Variants in BTBD19 observed in about 807,000 individuals in gnomAD.
The protein encoded by BTBD19 is BTB/POZ domain-containing protein 19.
A neutral mutation model predicts 36.1 loss-of-function variants in BTBD19; 20 were observed. That is an observed-to-expected ratio of 0.55 (90% CI 0.39 to 0.80). BTBD19 has a LOEUF of 0.80. Among genes scored for constraint, BTBD19 ranks in the 30% least tolerant of loss-of-function variants. BTBD19 has a pLI of 0.00. For synonymous variants in BTBD19, 157 were observed against 174.3 expected (o/e 0.90, Z 0.78); for missense variants, 325 against 389.8 (o/e 0.83, Z 1.40).
At position 44,813,231 on chromosome 1, in the gene BTBD19, C is replaced by G; in HGVS notation, c.577C>G (p.Leu193Val). ...CAAGCTCTGCGTGGACGAGGCTGAA[C>G]TGGTCCGCGCGGCCCGAAGCTGGGC... Residue 193 changes from leucine to valine, a missense_variant, in exon 6 of 8, where the codon CTG becomes GTG. Transcript: ENST00000450269. The surrounding 1 kb of genome is among the most constrained non-coding windows in gnomAD (Gnocchi z 7.8). 1 of 1,540,760 alleles carries G rather than the reference C, an allele frequency of 6.5e-7. No homozygotes were observed. The highest frequency in any genetic ancestry group is 1.2e-5 in the South Asian group (1 of 83,890).
downstream of BTBD19, chr1:44,814,304 TCTC>T (rs1652623667): frequency 6.6e-6 from 1 of 152,178 alleles, no homozygotes; most frequent in African/African-American, 2.4e-5. Context: ...TTCTCTCCTC[TCTC>T]TTTTTTTTGA....
chr1:44,813,212 C>T lies in BTBD19; in HGVS notation c.558C>T (p.Leu186=). 1 of 1,544,736 alleles carries T rather than the reference C, an allele frequency of 6.5e-7. No homozygotes were observed. The highest frequency in any genetic ancestry group is 8.7e-7 in the Non-Finnish European group (1 of 1,145,156). The change falls in exon 6 of 8, where the codon CTC becomes CTT. Residue 186 remains leucine, a synonymous_variant. Coordinates refer to ENST00000450269, the Ensembl canonical transcript of BTBD19. The surrounding 1 kb of genome is among the most constrained non-coding windows in gnomAD (Gnocchi z 7.8). The stretch of plus-strand genomic sequence containing the variant: ...TGCCCCTGCTCCGCAGCGACAAGCT[C>T]TGCGTGGACGAGGCTGAACTGGTCC...
Position 44,813,336 on chromosome 1 carries a change from GGCAGGACAGGTGCCCGACTCAGGGCT to G in BTBD19, c.616-36_616-11del. 1 of 1,541,352 alleles carries G rather than the reference GGCAGGACAGGTGCCCGACTCAGGGCT, an allele frequency of 6.5e-7. No homozygotes were observed. The highest frequency in any genetic ancestry group is 8.7e-7 in the Non-Finnish European group (1 of 1,146,202). On this transcript the variant is annotated splice_polypyrimidine_tract_variant and intron_variant, in intron 6 of 7. Transcript: ENST00000450269. This position sits in a 1 kb window ranked among gnomAD's most constrained non-coding sequence, Gnocchi z 7.8. ...CTGGCCACGAGACTGGTGAGCGGGC[GGCAGGACAGGTGCCCGACTCAGGGCT>G]GGCGTTTGCAGGCGGTGCTGGAGCG...
chr1:44,808,963 C>T (rs775358608), intron 1 of BTBD19, 57 bp downstream of exon 1: 1 of 1,381,196 alleles, frequency 7.2e-7, no homozygotes, highest in Non-Finnish European at 9.8e-7. Context: ...GGCCCCAGGA[C>T]TCTAAGGAGG....
At position 44,810,410 on chromosome 1, in the gene BTBD19, A is replaced by G; in HGVS notation, c.284A>G (p.Lys95Arg). The change falls in exon 2 of 8, where the codon AAG (lysine) becomes AGG (arginine). Residue 95 changes from lysine to arginine, a missense_variant. By Grantham distance (26) the Lys-to-Arg change is conservative. Coordinates refer to ENST00000450269, the Ensembl canonical transcript of BTBD19. The surrounding 1 kb of genome is among the most constrained non-coding windows in gnomAD (Gnocchi z 4.2). ...GAGTTCCTATATACCAACAGTGTCAAGCTGTACCGCCACTCTGTGAGCCTG... is the reference window on the plus strand; with the variant it reads ...GAGTTCCTATATACCAACAGTGTCAGGCTGTACCGCCACTCTGTGAGCCTG... 1 of 1,551,348 alleles carries G rather than the reference A, an allele frequency of 6.4e-7. No homozygotes were observed. Among genetic ancestry groups the G allele is most frequent in the Middle Eastern group, 1.7e-4 (1 of 5,986 alleles).
chr1:44,808,793 C>A (rs1211440124), exon 1 of BTBD19: 36 of 1,506,268 alleles, frequency 2.4e-5, no homozygotes, highest in Non-Finnish European at 3.2e-5. Flanking sequence ...TCCCAGGCTC[C>A]CTCCTCCACC....
chr1:44,812,071 T>A (rs572074075), exon 4 of BTBD19: 1 of 1,305,318 alleles, frequency 7.7e-7, no homozygotes, highest in Admixed American at 2.3e-5. Flanking sequence ...AGGTGCTGGA[T>A]GTGGACTTGG....
Position 44,810,736 on chromosome 1 carries a change from T to G in BTBD19, c.354+129T>G. ...ACACAGAGAGAAGTATGTATATCTCTCCCAAGTAAGTAGGGCATGTATGTG... is the reference window on the plus strand; with the variant it reads ...ACACAGAGAGAAGTATGTATATCTCGCCCAAGTAAGTAGGGCATGTATGTG... On this transcript the variant is annotated intron_variant, in intron 3 of 7. Coordinates refer to ENST00000450269, the Ensembl canonical transcript of BTBD19. The surrounding 1 kb of genome is among the most constrained non-coding windows in gnomAD (Gnocchi z 4.2). 1.1e-5 allele frequency: 10 copies of G among 880,744 alleles called. No homozygotes were observed. The highest frequency in any genetic ancestry group is 1.7e-5 in the African/African-American group (1 of 58,238). The allele number at this position is 880,744 out of a possible 1,614,324, so 54.6% of individuals were successfully genotyped here. A position where few individuals can be genotyped will look rare whatever the true frequency, so the allele number is the denominator to read the frequency against.
At position 44,813,783 on chromosome 1, in the gene BTBD19, G is replaced by T. The variant is rs762061356; in HGVS notation, c.*11G>T. On this transcript the variant is annotated 3_prime_UTR_variant, in exon 8 of 8. Coordinates refer to ENST00000450269, the Ensembl canonical transcript of BTBD19. The surrounding 1 kb of genome is among the most constrained non-coding windows in gnomAD (Gnocchi z 7.8). ...CTGTCCTTCAAATGATCCAACGCCG[G>T]GACTCGCAGGGAGCCCTCGACCCGC... The T allele has an allele frequency of 6.4e-7, 1 of 1,551,256 alleles. No homozygotes were observed. The highest frequency in any genetic ancestry group is 1.7e-4 in the Middle Eastern group (1 of 5,990).
chr1:44,814,148 C>CTTTCTCTTTCTTTCTTTCTT (rs60343664), downstream of BTBD19: 1 of 159,090 alleles, frequency 6.3e-6, no homozygotes, highest in Non-Finnish European at 1.2e-5. Flanking sequence ...CTTTTTCTTT[C>CTTTCTCTTTCTTTCTTTCTT]TCTTTCTTTC....
chr1:44,810,640 C>A lies in BTBD19; in HGVS notation c.354+33C>A. 1.3e-6 allele frequency: 2 copies of A among 1,512,954 alleles called. No homozygotes were observed. Among genetic ancestry groups the A allele is most frequent in the African/African-American group, 2.8e-5 (2 of 72,402 alleles). 93.7% of individuals were successfully genotyped at this position (1,512,954 alleles called of 1,614,324 possible). On this transcript the variant is annotated intron_variant, in intron 3 of 7. Coordinates refer to ENST00000450269, the Ensembl canonical transcript of BTBD19. This position sits in a 1 kb window ranked among gnomAD's most constrained non-coding sequence, Gnocchi z 4.2. ...TTTGTGCCAGGTCCCTGTCTCATTT[C>A]CCTTGCTTCTCACGGGCTCACTTCC...
At chr1:44,812,971 C>T (rs1009647853) in intron 4 of BTBD19, 25 bp from the exon 5 acceptor site, 2 of 1,538,138 alleles carry the variant, frequency 1.3e-6, no homozygotes, top group South Asian at 1.2e-5. Flanking sequence ...AGTCTCCAAC[C>T]TGATCTCCCT....
chr1:44,811,529 T>A (rs1442970663), intron 3 of BTBD19, among the ~76,000 whole-genome samples: 1 of 152,120 alleles, frequency 6.6e-6, no homozygotes, highest in Non-Finnish European at 1.5e-5. Context: ...CTTTTGGACT[T>A]CTTTTAAGCA....
At position 44,813,405 on chromosome 1, in the gene BTBD19, C is replaced by T; in HGVS notation, c.647C>T (p.Ala216Val). ...CTGGAGCGGCCGGTGGCTGAGGTGG[C>T]GGCCCCGGTGGTGAAAGAGCTGAGA... The change falls in exon 7 of 8, where the codon GCG becomes GTG. Residue 216 changes from alanine (A) to valine (V), a missense_variant. Ala to Val is a moderately conservative substitution (Grantham distance 64). Coordinates refer to ENST00000450269, the Ensembl canonical transcript of BTBD19. The surrounding 1 kb of genome is among the most constrained non-coding windows in gnomAD (Gnocchi z 7.8). 1.3e-6 allele frequency: 2 copies of T among 1,540,146 alleles called. No homozygotes were observed. The highest frequency in any genetic ancestry group is 1.5e-5 in the African/African-American group (1 of 65,904).
At position 44,813,010 on chromosome 1, in the gene BTBD19, T is replaced by C. The variant is rs1652497439; in HGVS notation, c.429T>C (p.Phe143=). 1.3e-6 allele frequency: 2 copies of C among 1,551,270 alleles called. No homozygotes were observed. The highest frequency in any genetic ancestry group is 4.9e-5 in the East Asian group (2 of 40,910). ...TCTGCTCGCAGGTGGCCGTAACCTTTGGCCTGGGGCAGCTGCAGGAGCGCT... is the reference window on the plus strand; with the variant it reads ...TCTGCTCGCAGGTGGCCGTAACCTTCGGCCTGGGGCAGCTGCAGGAGCGCT... The change falls in exon 5 of 8, where the codon TTT becomes TTC. Residue 143 remains phenylalanine (F), a synonymous_variant. Coordinates refer to ENST00000450269, the Ensembl canonical transcript of BTBD19. The surrounding 1 kb of genome is among the most constrained non-coding windows in gnomAD (Gnocchi z 7.8).
chr1:44,813,739 G>T lies in BTBD19; in HGVS notation c.843G>T (p.Glu281Asp). 1 of 1,551,442 alleles carries T rather than the reference G, an allele frequency of 6.4e-7. No individual in the cohort carries two copies. The highest frequency in any genetic ancestry group is 8.7e-7 in the Non-Finnish European group (1 of 1,146,844). ...GCCGGAGAGGCACCCTGCCCCGGGA[G>T]CATCACCGCTTTCTGGACCTGTCCT... The change falls in exon 8 of 8, where the codon GAG becomes GAT. Residue 281 changes from glutamate to aspartate, a missense_variant. Physicochemically the swap from Glu to Asp is conservative, Grantham distance 45. Coordinates refer to ENST00000450269, the Ensembl canonical transcript of BTBD19. This position sits in a 1 kb window ranked among gnomAD's most constrained non-coding sequence, Gnocchi z 7.8.
chr1:44,814,150 CT>C (rs1295043422), downstream of BTBD19: 1 of 67,228 alleles, frequency 1.5e-5, no homozygotes, highest in Non-Finnish European at 2.9e-5. Flanking sequence ...TTTTCTTTCT[CT>C]TTCTTTCTTT....
At chr1:44,811,985 A>T in intron 3 of BTBD19, 54 bp from the exon 4 acceptor site, 2 of 1,238,936 alleles carry the variant, frequency 1.6e-6, no homozygotes, top group Non-Finnish European at 2.2e-6. Flanking sequence ...GGGTGGAACT[A>T]GTGTCTTGGA....
At chr1:44,814,148 C>CTCTTTCTTTCTTTCTGTCTT (rs1557635265), downstream of BTBD19, 720 of 159,304 alleles carry the variant, frequency 4.5e-3, 23 homozygotes, top group Non-Finnish European at 5.6e-3. Context: ...CTTTTTCTTT[C>CTCTTTCTTTCTTTCTGTCTT]TCTTTCTTTC....
Sources: gnomAD v4.1 joint callset for allele counts (sites outside exome capture counted in the v4.1 genomes callset) on GRCh38, gnomAD v4.1.1 for gene constraint, Gnocchi (gnomAD v3.1) non-coding constraint, MANE v1.5 for transcripts, NCBI Gene and HGNC (gene_info 2026-07-23, HGNC 2026-07-21) for gene names.